CCNB2: variants seen among roughly 807,000 people sequenced by gnomAD.
CCNB2 encodes the protein cyclin B2.
In CCNB2, 39 loss-of-function variants were observed where a neutral mutation model predicts 51.1. The observed-to-expected ratio is 0.76, with a 90% CI of 0.59 to 1.00. CCNB2 has a LOEUF of 1.00. CCNB2 is among the 50% of genes least tolerant of loss of function. The pLI is 0.00. For missense variants in CCNB2, 472 were observed against 470.3 expected (o/e 1.00, Z -0.03); for synonymous variants, 174 against 165.5 (o/e 1.05, Z -0.40).
intron 8 of CCNB2, 67 bp from the exon 9 acceptor site, chr15:59,124,700 G>T: frequency 9.3e-7 from 1 of 1,072,506 alleles, no homozygotes; most frequent in Admixed American, 1.8e-5. Flanking sequence ...ATAATTGTGA[G>T]TTAGACTAGG....
chr15:59,122,804 G>C (rs1277060250), intron 7 of CCNB2, among the ~76,000 whole-genome samples: 1 of 152,126 alleles, frequency 6.6e-6, no homozygotes, highest in Non-Finnish European at 1.5e-5. Flanking sequence ...CGAAAGTGCT[G>C]GGATTATAGG....
At chr15:59,119,280 C>T (rs2079292176) in intron 7 of CCNB2, among the ~76,000 whole-genome samples, 1 of 151,824 alleles carries the variant, frequency 6.6e-6, no homozygotes, top group Non-Finnish European at 1.5e-5. Context: ...GGTAGCGTAG[C>T]AAGACCCCCA....
intron 3 of CCNB2, among the ~76,000 whole-genome samples, chr15:59,108,164 A>G (rs1277524602): frequency 6.6e-6 from 1 of 152,232 alleles, no homozygotes; most frequent in Non-Finnish European, 1.5e-5. Context: ...AGAACAAAGT[A>G]GCAACAAAGA....
intron 7 of CCNB2, among the ~76,000 whole-genome samples, chr15:59,122,695 C>G (rs2079308409): frequency 6.6e-6 from 1 of 151,950 alleles, no homozygotes; most frequent in Non-Finnish European, 1.5e-5. Context: ...CACCACCAAG[C>G]TTGGCTAATT....
intron 7 of CCNB2, among the ~76,000 whole-genome samples, chr15:59,120,682 C>T (rs1449483739): frequency 1.3e-5 from 2 of 152,088 alleles, no homozygotes; most frequent in Non-Finnish European, 2.9e-5. Context: ...TAATTTTCAA[C>T]CTGTAATGTA....
rs138629566 is a variant in CCNB2 at position 59,116,781 on chromosome 15, T to C, written c.689T>C (p.Ile230Thr). The C allele has an allele frequency of 4.1e-5, 66 of 1,613,946 alleles. No homozygotes were observed. Among genetic ancestry groups the C allele is most frequent in the Non-Finnish European group, 5.3e-5 (62 of 1,179,968 alleles). Residue 230 changes from isoleucine (I) to threonine (T), a missense_variant, in exon 6 of 9, where the codon ATT (isoleucine) becomes ACT (threonine). Transcript: ENST00000288207. ...SKYEEMFSPNIEDFVYITDNA... is the reference protein window; with the variant it reads ...SKYEEMFSPNTEDFVYITDNA... ...TATGAGGAGATGTTTTCTCCAAATA[T>C]TGAAGACTTTGTTTACATCACAGAC...
At chr15:59,110,795 CTTA>C (rs1469001527) in intron 3 of CCNB2, among the ~76,000 whole-genome samples, 2 of 152,200 alleles carry the variant, frequency 1.3e-5, no homozygotes, top group East Asian at 3.8e-4. Context: ...GTCATAGAAG[CTTA>C]TTATCCTGCA....
At chr15:59,117,509 C>G (rs532186092) in intron 7 of CCNB2, 141 bp downstream of exon 7, 4 of 856,764 alleles carry the variant, frequency 4.7e-6, no homozygotes, top group Non-Finnish European at 7.1e-6. Context: ...CATTCTGTCA[C>G]GTAGGCTGGA....
rs562502263 is a variant in CCNB2 at position 59,105,170 on chromosome 15, G to C, written c.-99G>C. 7.9e-6 allele frequency: 9 copies of C among 1,133,306 alleles called. No individual in the cohort carries two copies. The African/African-American group carries it at 1.1e-4, about 14-fold the overall frequency. 70.2% of individuals were successfully genotyped at this position (1,133,306 alleles called of 1,614,324 possible). A position where few individuals can be genotyped will look rare whatever the true frequency, so the allele number is the denominator to read the frequency against. On this transcript the variant is annotated 5_prime_UTR_variant, in exon 1 of 9. Transcript: ENST00000288207. ...CGAAGATCCCCAGCGCTGCGGGCTC[G>C]GAGAGCAGTCCTAACGGCGCCTCGT...
chr15:59,116,923 G>A lies in CCNB2; in HGVS notation c.831G>A (p.Gly277=), dbSNP rs748968032. 1.2e-6 allele frequency: 2 copies of A among 1,610,852 alleles called. No individual in the cohort carries two copies. Among genetic ancestry groups the A allele is most frequent in the African/African-American group, 1.3e-5 (1 of 74,820 alleles). ...LHFLRRASKA[G]EVDVEQHTLA... ...TCTTAAGGCGAGCATCAAAAGCCGG[G>A]GAGGTAAGTGCCTCCAGCTCTGTAA... The change falls in exon 6 of 9, where the codon GGG becomes GGA. Residue 277 remains glycine, a synonymous_variant. Transcript: ENST00000288207.
rs116621570 is a variant in CCNB2, at chr15:59,111,374, T to C, written c.268-3070T>C. Among the ~76,000 whole-genome samples, 792 of 152,354 alleles carry C rather than the reference T, an allele frequency of 5.2e-3. 7 individuals carry two copies. The highest frequency in any genetic ancestry group is 0.018 in the African/African-American group (756 of 41,584). ...ATATGGCTAAACTCAGTTGCACTTC[T>C]GAATAGGAGCCAGAAAAATATTCTA... On this transcript the variant is annotated intron_variant, in intron 3 of 8. Transcript: ENST00000288207.
At chr15:59,114,029 G>A (rs2079268321) in intron 3 of CCNB2, among the ~76,000 whole-genome samples, 1 of 152,182 alleles carries the variant, frequency 6.6e-6, no homozygotes, top group Admixed American at 6.5e-5. Flanking sequence ...AGTTAGGATA[G>A]ACCCCATTGA....
intron 8 of CCNB2, 98 bp from the exon 9 acceptor site, chr15:59,124,669 G>A (rs2079317559): frequency 1.2e-6 from 1 of 838,126 alleles, no homozygotes; most frequent in Admixed American, 2.0e-5. Flanking sequence ...ATGTGATCAT[G>A]ATTGTAGCCG....
rs1252714736 is a variant in CCNB2, at chr15:59,105,182, T to C, written c.-87T>C. On this transcript the variant is annotated 5_prime_UTR_variant, in exon 1 of 9. Coordinates refer to ENST00000288207, the MANE Select transcript of CCNB2 (RefSeq NM_004701.4). ...GCGCTGCGGGCTCGGAGAGCAGTCC[T>C]AACGGCGCCTCGTACGCTAGTGTCC... 4 of 1,325,582 alleles carry C rather than the reference T, an allele frequency of 3.0e-6. No individual in the cohort carries two copies. The highest frequency in any genetic ancestry group is 2.9e-5 in the African/African-American group (2 of 68,870). 82.1% of individuals were successfully genotyped at this position (1,325,582 alleles called of 1,614,324 possible).
chr15:59,105,230 C>G lies in CCNB2; in HGVS notation c.-39C>G, dbSNP rs367606664. ...TCCTCCCTTTTCAGTCCGCGTCCCT[C>G]CCTGGGCCGGGCTGGCACTCTTGCC... On this transcript the variant is annotated 5_prime_UTR_variant, in exon 1 of 9. Transcript: ENST00000288207. 35 of 1,552,064 alleles carry G rather than the reference C, an allele frequency of 2.3e-5. No homozygotes were observed. The highest frequency in any genetic ancestry group is 3.0e-5 in the Non-Finnish European group (35 of 1,148,694).
intron 8 of CCNB2, chr15:59,124,431 G>T: frequency 3.5e-6 from 1 of 289,674 alleles, no homozygotes; most frequent in Non-Finnish European, 6.5e-6. Context: ...TGCCAGGCCT[G>T]GTGAACCTGT....
At chr15:59,122,750 G>C (rs1243067152) in intron 7 of CCNB2, among the ~76,000 whole-genome samples, 2 of 151,870 alleles carry the variant, frequency 1.3e-5, no homozygotes, top group Admixed American at 1.3e-4. Context: ...TACCCAAGCT[G>C]GTCTGAAACT....
At chr15:59,112,783 C>T (rs1168419267) in intron 3 of CCNB2, among the ~76,000 whole-genome samples, 1 of 150,976 alleles carries the variant, frequency 6.6e-6, no homozygotes, top group Non-Finnish European at 1.5e-5. Flanking sequence ...GCCTGTAATC[C>T]CAACACTTTG....
At chr15:59,108,314 T>C (rs2079244438) in intron 3 of CCNB2, among the ~76,000 whole-genome samples, 3 of 152,114 alleles carry the variant, frequency 2.0e-5, no homozygotes, top group Admixed American at 1.3e-4. Context: ...TTGAAGGACT[T>C]GGAATTTGGA....
Sources: gnomAD v4.1 joint callset for allele counts (sites outside exome capture counted in the v4.1 genomes callset) on GRCh38, gnomAD v4.1.1 for gene constraint, MANE v1.5 for transcripts, NCBI Gene and HGNC (gene_info 2026-07-23, HGNC 2026-07-21) for gene names.